TTBK2: variants seen among roughly 807,000 people sequenced by gnomAD.
The protein encoded by TTBK2 is tau-tubulin kinase 2.
TTBK2 carries 28 observed loss-of-function variants against 110.8 expected under a neutral mutation model. That is an observed-to-expected ratio of 0.25 (90% CI 0.19 to 0.35). The LOEUF (loss-of-function observed/expected upper bound fraction) is 0.35, where lower values mean the gene tolerates loss of function less well. Among genes scored for constraint, TTBK2 ranks in the 10% least tolerant of loss-of-function variants. The probability of loss-of-function intolerance (pLI) is 1.00; values close to 1 mark genes in which losing one functional copy is unlikely to be tolerated. For synonymous variants in TTBK2, 532 were observed against 527.3 expected (o/e 1.01, Z -0.12); for missense variants, 1,369 against 1,500.3 (o/e 0.91, Z 1.45).
intron 13 of TTBK2, among the ~76,000 whole-genome samples, chr15:42,770,414 C>A (rs536085032): frequency 2.8e-4 from 42 of 152,136 alleles, no homozygotes; most frequent in African/African-American, 9.6e-4. Flanking sequence ...TAGCATAGTA[C>A]CCAACTCACA....
At chr15:42,883,911 G>A in intron 1 of TTBK2, among the ~76,000 whole-genome samples, 1 of 151,972 alleles carries the variant, frequency 6.6e-6, no homozygotes, top group East Asian at 1.9e-4. Flanking sequence ...TTATTATGTA[G>A]GTTAAAAGAA....
Position 42,775,182 on chromosome 15 carries a change from T to G in TTBK2, c.1951A>C (p.Thr651Pro). The change falls in exon 13 of 15, where the codon ACG (threonine) becomes CCG (proline). Residue 651 changes from threonine to proline, a missense_variant. By Grantham distance (38) the Thr-to-Pro change is conservative. Transcript: ENST00000267890. ...TGCGCCTCCATTAGACTTGTGGGCG[T>G]CGCTGCAATAAACTGACTAGCAGCT... ...PGAASQFIAATPTSLMEAQAE... is the reference protein window; with the variant it reads ...PGAASQFIAAPPTSLMEAQAE... 6.2e-7 allele frequency: 1 copy of G among 1,614,152 alleles called. No individual in the cohort carries two copies. The highest frequency in any genetic ancestry group is 8.5e-7 in the Non-Finnish European group (1 of 1,180,030).
chr15:42,810,844 G>C, intron 8 of TTBK2, 105 bp from the exon 9 acceptor site: 1 of 1,324,600 alleles, frequency 7.5e-7, no homozygotes, highest in South Asian at 1.2e-5. Flanking sequence ...GAATGAGATA[G>C]TGGGTAATTA....
intron 3 of TTBK2, among the ~76,000 whole-genome samples, chr15:42,868,353 A>C (rs1894467286): frequency 6.6e-6 from 1 of 152,114 alleles, no homozygotes; most frequent in Admixed American, 6.5e-5. Context: ...AAACTATGGG[A>C]TCTGGGTGAT....
At chr15:42,847,347 G>C (rs1595979993) in intron 3 of TTBK2, among the ~76,000 whole-genome samples, 1 of 152,208 alleles carries the variant, frequency 6.6e-6, no homozygotes, top group Non-Finnish European at 1.5e-5. Context: ...CAGGTGATTT[G>C]CAAATATTTT....
chr15:42,838,446 T>G (rs1893085320), intron 4 of TTBK2, among the ~76,000 whole-genome samples: 1 of 151,896 alleles, frequency 6.6e-6, no homozygotes, highest in Non-Finnish European at 1.5e-5. Flanking sequence ...TTCTCCCCAC[T>G]ATAGCCATTA....
intron 9 of TTBK2, among the ~76,000 whole-genome samples, chr15:42,809,393 GTCT>G: frequency 6.6e-6 from 1 of 152,304 alleles, no homozygotes; most frequent in African/African-American, 2.4e-5. Context: ...AAATATGATA[GTCT>G]TCTTTAGATA....
intron 3 of TTBK2, among the ~76,000 whole-genome samples, chr15:42,842,382 G>A (rs938522255): frequency 2.6e-5 from 4 of 152,078 alleles, no homozygotes; most frequent in Admixed American, 6.6e-5. Context: ...AACATAAACC[G>A]GAAGTCATTA....
intron 1 of TTBK2, among the ~76,000 whole-genome samples, chr15:42,896,777 AGAGT>A (rs1483864702): frequency 6.6e-6 from 1 of 152,224 alleles, no homozygotes; most frequent in Non-Finnish European, 1.5e-5. Flanking sequence ...CATGGGCAAT[AGAGT>A]GAGACCCTGT....
chr15:42,838,353 GGTGTGT>G (rs376921873), intron 4 of TTBK2, among the ~76,000 whole-genome samples: 5 of 147,944 alleles, frequency 3.4e-5, no homozygotes, highest in African/African-American at 9.9e-5. Flanking sequence ...TATAATTCAG[GGTGTGT>G]GTGTGTGTGT....
chr15:42,915,186 G>C (rs2031013481), intron 1 of TTBK2, among the ~76,000 whole-genome samples: 1 of 152,202 alleles, frequency 6.6e-6, no homozygotes, highest in Non-Finnish European at 1.5e-5. Context: ...GTTTTAAATT[G>C]TATATTGTTT....
In TTBK2 at chr15:42,752,454, T is replaced by A; in HGVS notation, c.2792A>T (p.Lys931Met). 6.2e-7 allele frequency: 1 copy of A among 1,614,174 alleles called. No homozygotes were observed. The highest frequency in any genetic ancestry group is 8.5e-7 in the Non-Finnish European group (1 of 1,180,028). ...SENEHGAPTR[K>M]DMVRSSFVTR... ...TACAAAGGATGACCTAACCATATCC[T>A]TCCGGGTTGGGGCACCATGTTCATT... Residue 931 changes from lysine to methionine, a missense_variant, in exon 14 of 15, where the codon AAG becomes ATG. Coordinates refer to ENST00000267890, the MANE Select transcript of TTBK2 (RefSeq NM_173500.4).
intron 1 of TTBK2, among the ~76,000 whole-genome samples, chr15:42,892,935 C>T (rs765258756): frequency 2.4e-4 from 36 of 147,726 alleles, no homozygotes; most frequent in Non-Finnish European, 4.2e-4. Context: ...CTCTGGAACC[C>T]GGGAGGCGGA....
At chr15:42,830,337 G>A (rs1366416513) in intron 4 of TTBK2, among the ~76,000 whole-genome samples, 1 of 152,030 alleles carries the variant, frequency 6.6e-6, no homozygotes, top group Non-Finnish European at 1.5e-5. Context: ...ACAGGTGCAT[G>A]CCATCATGCC....
chr15:42,801,293 G>A lies in TTBK2; in HGVS notation c.823-6492C>T, dbSNP rs1891186992. The A allele has an allele frequency of 1.3e-6, 2 of 1,536,748 alleles. 1 individual carries two copies. The highest frequency in any genetic ancestry group is 1.8e-6 in the Non-Finnish European group (2 of 1,128,942). ...CCAGCTTGACGTTCATCAGCTCCTG[G>A]TACTCACGCAGCTGCCGCGCCATGT... On this transcript the variant is annotated intron_variant, in intron 9 of 14. Transcript: ENST00000267890.
chr15:42,878,781 A>G (rs561372570), intron 1 of TTBK2, 97 bp from the exon 2 acceptor site: 6 of 1,430,184 alleles, frequency 4.2e-6, no homozygotes, highest in Non-Finnish European at 5.6e-6. Flanking sequence ...AATACTATAC[A>G]CTAATTAGGC....
chr15:42,830,831 C>G (rs1051362315), intron 4 of TTBK2, among the ~76,000 whole-genome samples: 1 of 151,900 alleles, frequency 6.6e-6, no homozygotes, highest in South Asian at 2.1e-4. Context: ...CGGTGAAACC[C>G]TGTCTCTACC....
In TTBK2 at chr15:42,839,067, C is replaced by T. The variant is rs150991227; in HGVS notation, c.291+1293G>A. Among the ~76,000 whole-genome samples the T allele has an allele frequency of 4.6e-3, 698 of 152,216 alleles. 2 individuals carry two copies. The highest frequency in any genetic ancestry group is 0.016 in the African/African-American group (669 of 41,536). ...CACAGGTAGTGAGCACAGTATCCAA[C>T]AGGTAGTTTTTCGACCCTCATCCTC... On this transcript the variant is annotated intron_variant, in intron 4 of 14. Coordinates refer to ENST00000267890, the MANE Select transcript of TTBK2 (RefSeq NM_173500.4).
intron 5 of TTBK2, among the ~76,000 whole-genome samples, chr15:42,828,596 G>A (rs1378599123): frequency 3.3e-5 from 5 of 151,196 alleles, no homozygotes; most frequent in African/African-American, 4.9e-5. Flanking sequence ...GGTGGCGCGC[G>A]CCTGTTATTC....
Sources: gnomAD v4.1 joint callset for allele counts (sites outside exome capture counted in the v4.1 genomes callset) on GRCh38, gnomAD v4.1.1 for gene constraint, MANE v1.5 for transcripts, NCBI Gene and HGNC (gene_info 2026-07-23, HGNC 2026-07-21) for gene names.